KALRN: variants seen among roughly 807,000 people sequenced by gnomAD.
The protein encoded by KALRN is kalirin RhoGEF kinase, also known as kalirin.
Under a neutral mutation model 353.7 loss-of-function variants are expected in KALRN, and 70 were observed. The ratio of observed to expected loss-of-function variants is 0.20; its 90% CI spans 0.16 to 0.24. The LOEUF (loss-of-function observed/expected upper bound fraction) is 0.24. Ranked by LOEUF, KALRN falls within the 10% of genes least tolerant of loss-of-function variation. The pLI is 1.00. For synonymous variants in KALRN, 1,391 were observed against 1,434.8 expected (o/e 0.97, Z 0.69); for missense variants, 2,791 against 3,756.7 (o/e 0.74, Z 6.72).
Position 124,583,555 on chromosome 3 carries a change from C to T in KALRN, c.5182+20466C>T, listed in dbSNP as rs1279827717. Reference sequence around the variant, plus strand: ...AGTCTTGCACCGTAAGTAAGATGTTCGAAGTTTCTCTGTAGGCATTCATTC... The same window carrying T: ...AGTCTTGCACCGTAAGTAAGATGTTTGAAGTTTCTCTGTAGGCATTCATTC... On this transcript the variant is annotated intron_variant, in intron 34 of 59. Coordinates refer to ENST00000682506, the MANE Select transcript of KALRN (RefSeq NM_001388419.1). 3.3e-5 allele frequency among the ~76,000 whole-genome samples: 5 copies of T among 152,100 alleles called. No homozygotes were observed. In the East Asian group the frequency reaches 9.6e-4, roughly 29 times the overall value.
chr3:124,518,940 C>A lies in KALRN; in HGVS notation c.4935+22527C>A, dbSNP rs149239554. The stretch of plus-strand genomic sequence containing the variant: ...GGAAAAACCCATCATTCTAATCTAG[C>A]TTGTATCCCCACATCATGAGAAAGA... On this transcript the variant is annotated intron_variant, in intron 33 of 59. Coordinates refer to ENST00000682506, the MANE Select transcript of KALRN (RefSeq NM_001388419.1). 4.1e-4 allele frequency: 405 copies of A among 995,282 alleles called. 1 individual carries two copies. In the African/African-American group the frequency reaches 6.7e-3, roughly 16 times the overall value. The allele number at this position is 995,282 out of a possible 1,614,324, so 61.7% of individuals were successfully genotyped here.
At chr3:124,171,442 C>A (rs942053136) in intron 1 of KALRN, among the ~76,000 whole-genome samples, 2 of 152,176 alleles carry the variant, frequency 1.3e-5, no homozygotes, top group African/African-American at 4.8e-5. Flanking sequence ...GAAGACCAGA[C>A]TGAGTTTCTT....
chr3:124,218,672 G>T (rs1182224746), intron 1 of KALRN, among the ~76,000 whole-genome samples: 1 of 152,198 alleles, frequency 6.6e-6, no homozygotes, highest in South Asian at 2.1e-4. Context: ...CCATTTTCTT[G>T]TGTCTGTGCT....
chr3:124,358,754 T>A (rs1272758987), intron 10 of KALRN, among the ~76,000 whole-genome samples: 1 of 152,260 alleles, frequency 6.6e-6, no homozygotes, highest in African/African-American at 2.4e-5. Context: ...TATATATTTC[T>A]AATTCTCATT....
chr3:124,506,390 A>G (rs1350970957), intron 33 of KALRN, among the ~76,000 whole-genome samples: 2 of 152,198 alleles, frequency 1.3e-5, no homozygotes, highest in Non-Finnish European at 2.9e-5. Context: ...TCAGGCTGGC[A>G]GTTTGTTTTC....
At chr3:124,133,313 A>G (rs1383489463) in intron 1 of KALRN, among the ~76,000 whole-genome samples, 1 of 152,168 alleles carries the variant, frequency 6.6e-6, no homozygotes, top group African/African-American at 2.4e-5. Flanking sequence ...TTAAAAAACA[A>G]AACAACAACC....
chr3:124,477,383 C>A, intron 27 of KALRN, 49 bp downstream of exon 27: 2 of 1,353,278 alleles, frequency 1.5e-6, no homozygotes, highest in Non-Finnish European at 1.1e-6. Flanking sequence ...GGTGGAAATG[C>A]TTCTCTGCTT....
chr3:124,638,278 G>A (rs2581158), intron 37 of KALRN, among the ~76,000 whole-genome samples: 55,487 of 151,268 alleles, frequency 0.37, 10,594 homozygotes, highest in East Asian at 0.47. Flanking sequence ...TATACTATAT[G>A]AATGAGGTTT....
chr3:124,386,149 C>T (rs1318830291), intron 11 of KALRN, among the ~76,000 whole-genome samples: 2 of 152,152 alleles, frequency 1.3e-5, no homozygotes, highest in Non-Finnish European at 2.9e-5. Context: ...GAAGGGCTGG[C>T]AAGCTCCCTG....
At chr3:124,591,830 A>T (rs913184804) in intron 34 of KALRN, among the ~76,000 whole-genome samples, 2 of 152,196 alleles carry the variant, frequency 1.3e-5, no homozygotes, top group African/African-American at 4.8e-5. Flanking sequence ...CCTGGCTCAA[A>T]CCATTGTCAA....
At chr3:124,628,163 TC>T (rs1561462695) in intron 34 of KALRN, among the ~76,000 whole-genome samples, 1 of 43,410 alleles carries the variant, frequency 2.3e-5, no homozygotes, top group African/African-American at 1.6e-4. Flanking sequence ...CTCCCTCCCT[TC>T]CTTCCTTCCC....
chr3:124,488,343 C>T (rs1455515582), intron 29 of KALRN, 28 bp downstream of exon 29: 8 of 1,434,208 alleles, frequency 5.6e-6, no homozygotes, highest in Non-Finnish European at 7.9e-6. Flanking sequence ...ACTGGGGAAG[C>T]CTCCTCTCTT....
chr3:124,665,484 A>G (rs749755287), intron 45 of KALRN, among the ~76,000 whole-genome samples: 14 of 152,066 alleles, frequency 9.2e-5, no homozygotes, highest in Non-Finnish European at 1.8e-4. Flanking sequence ...ATTTATTTAG[A>G]TACAGAATCT....
chr3:124,532,539 C>T (rs1026411701), intron 33 of KALRN, among the ~76,000 whole-genome samples: 11 of 152,202 alleles, frequency 7.2e-5, no homozygotes, highest in Non-Finnish European at 1.5e-4. Context: ...GGCATGGTGG[C>T]TCATGCCTGT....
chr3:124,425,059 G>A (rs565614782), intron 15 of KALRN, among the ~76,000 whole-genome samples: 11 of 152,286 alleles, frequency 7.2e-5, no homozygotes, highest in Admixed American at 1.3e-4. Context: ...CTACATGCAT[G>A]TGGGAACTAA....
intron 15 of KALRN, among the ~76,000 whole-genome samples, chr3:124,425,840 G>C (rs1164419891): frequency 6.6e-6 from 1 of 152,048 alleles, no homozygotes; most frequent in African/African-American, 2.4e-5. Context: ...TGTTAAATAG[G>C]GAAGTAGACT....
At chr3:124,628,742 ATTTTTTTTT>A (rs58523719) in intron 34 of KALRN, among the ~76,000 whole-genome samples, 28 of 100,148 alleles carry the variant, frequency 2.8e-4, no homozygotes, top group East Asian at 1.9e-3. Context: ...CACCTGGCTA[ATTTTTTTTT>A]TTTTTTTTTT....
At chr3:124,186,853 A>G (rs2074289702) in intron 1 of KALRN, among the ~76,000 whole-genome samples, 1 of 152,216 alleles carries the variant, frequency 6.6e-6, no homozygotes, top group East Asian at 1.9e-4. Flanking sequence ...GAGTGTATCC[A>G]ATTCCTCCTG....
At chr3:124,692,433 C>T (rs1459444985) in intron 51 of KALRN, among the ~76,000 whole-genome samples, 2 of 152,178 alleles carry the variant, frequency 1.3e-5, no homozygotes, top group African/African-American at 4.8e-5. Context: ...ATGGATTCCT[C>T]TATAAGGGAA....
Sources: gnomAD v4.1 joint callset for allele counts (sites outside exome capture counted in the v4.1 genomes callset) on GRCh38, gnomAD v4.1.1 for gene constraint, MANE v1.5 for transcripts, NCBI Gene and HGNC (gene_info 2026-07-23, HGNC 2026-07-21) for gene names.